Variants in CNTLN observed in about 807,000 individuals in gnomAD.
CNTLN encodes centlein, centrosomal protein.
In CNTLN, 212 loss-of-function variants were observed where a neutral mutation model predicts 180.0. That is an observed-to-expected ratio of 1.18 (90% CI 1.05 to 1.32). The LOEUF (loss-of-function observed/expected upper bound fraction) is 1.32. Among genes scored for constraint, CNTLN ranks in the 40% most tolerant of loss-of-function variants. CNTLN has a pLI of 0.00. For missense variants in CNTLN, 2,095 were observed against 1,610.9 expected (o/e 1.30, Z -5.14); for synonymous variants, 722 against 563.1 (o/e 1.28, Z -3.99).
chr9:17,338,339 T>TTTTTTTTTG (rs1554692008), intron 10 of CNTLN, among the ~76,000 whole-genome samples: 1 of 140,236 alleles, frequency 7.1e-6, no homozygotes, highest in Non-Finnish European at 1.6e-5. Flanking sequence ...TAATTTTTGT[T>TTTTTTTTTG]TTTTTTTTTT....
At chr9:17,169,568 A>AT (rs1260615101) in intron 2 of CNTLN, among the ~76,000 whole-genome samples, 1 of 151,734 alleles carries the variant, frequency 6.6e-6, no homozygotes, top group African/African-American at 2.4e-5. Context: ...TTTTGAGTTG[A>AT]TTTTTGTGTA....
chr9:17,142,736 T>C (rs890846030), intron 1 of CNTLN, among the ~76,000 whole-genome samples: 3 of 152,194 alleles, frequency 2.0e-5, no homozygotes, highest in African/African-American at 7.2e-5. Context: ...GAATCTCTAA[T>C]TCATCCCTAT....
rs188527661 is a variant in CNTLN, at chr9:17,426,321, C to G, written c.3114+10132C>G. On this transcript the variant is annotated intron_variant, in intron 18 of 25. Transcript: ENST00000380647. ...GAGTGCAAAGGCTAAGGGATTAGAG[C>G]TACCTCCACATTGGTTTTAAAGAGA... 9.8e-5 allele frequency among the ~76,000 whole-genome samples: 15 copies of G among 152,308 alleles called. No individual in the cohort carries two copies. In the East Asian group the frequency reaches 2.5e-3, roughly 25 times the overall value.
At chr9:17,470,678 T>C (rs1832005042) in intron 23 of CNTLN, among the ~76,000 whole-genome samples, 1 of 151,936 alleles carries the variant, frequency 6.6e-6, no homozygotes, top group South Asian at 2.1e-4. Context: ...TTTCTAGAAG[T>C]ATTTGCTCAG....
intron 2 of CNTLN, among the ~76,000 whole-genome samples, chr9:17,161,275 T>G (rs1563835719): frequency 1.3e-5 from 2 of 152,152 alleles, no homozygotes; most frequent in African/African-American, 2.4e-5. Context: ...CCTGTCACTT[T>G]ATGAGTTTGT....
chr9:17,432,659 G>T (rs1245885613), intron 18 of CNTLN, among the ~76,000 whole-genome samples: 1 of 152,080 alleles, frequency 6.6e-6, no homozygotes, highest in African/African-American at 2.4e-5. Flanking sequence ...CAGTAGAACA[G>T]ATCTTCAGTG....
chr9:17,151,094 A>G (rs1818839385), intron 2 of CNTLN, among the ~76,000 whole-genome samples: 1 of 152,230 alleles, frequency 6.6e-6, no homozygotes, highest in Admixed American at 6.5e-5. Context: ...ATCTGCAAAC[A>G]GAGACAAATT....
chr9:17,474,223 C>G (rs193033398), intron 23 of CNTLN, among the ~76,000 whole-genome samples: 1 of 152,148 alleles, frequency 6.6e-6, no homozygotes, highest in Non-Finnish European at 1.5e-5. Flanking sequence ...GTGATTTTCA[C>G]TTGGATGTCT....
intron 6 of CNTLN, among the ~76,000 whole-genome samples, chr9:17,296,322 G>C (rs1375685125): frequency 6.6e-6 from 1 of 152,024 alleles, no homozygotes; most frequent in Non-Finnish European, 1.5e-5. Flanking sequence ...CCTGCCTAGT[G>C]TGTTTCTTTT....
At chr9:17,275,127 A>G (rs901133909) in intron 6 of CNTLN, among the ~76,000 whole-genome samples, 12 of 152,118 alleles carry the variant, frequency 7.9e-5, no homozygotes, top group Non-Finnish European at 1.5e-4. Flanking sequence ...TGAAATTTAA[A>G]AATTATTATT....
chr9:17,409,888 T>C (rs1042321600), intron 16 of CNTLN, among the ~76,000 whole-genome samples: 1 of 152,084 alleles, frequency 6.6e-6, no homozygotes, highest in Non-Finnish European at 1.5e-5. Flanking sequence ...AAAATTGAAG[T>C]TCTAATACAA....
At position 17,502,676 on chromosome 9, in the gene CNTLN, C is replaced by A. The variant is rs374050885; in HGVS notation, c.*24C>A. The A allele has an allele frequency of 2.0e-4, 195 of 978,096 alleles. 1 individual carries two copies. The highest frequency in any genetic ancestry group is 8.8e-4 in the Middle Eastern group (4 of 4,550). The allele number at this position is 978,096 out of a possible 1,614,324, so 60.6% of individuals were successfully genotyped here. A position where few individuals can be genotyped will look rare whatever the true frequency, so the allele number is the denominator to read the frequency against. Reference sequence around the variant, plus strand: ...GATATTAAAATGGAGAGCTTTATTGCAAATGTGAAAACTTTTTATGTGGTG... The same window carrying A: ...GATATTAAAATGGAGAGCTTTATTGAAAATGTGAAAACTTTTTATGTGGTG... On this transcript the variant is annotated 3_prime_UTR_variant, in exon 26 of 26. Transcript: ENST00000380647.
At chr9:17,211,327 T>G (rs139796527) in intron 2 of CNTLN, among the ~76,000 whole-genome samples, 2,076 of 152,232 alleles carry the variant, frequency 0.014, 54 homozygotes, top group African/African-American at 0.048. Flanking sequence ...TTTCCCCATT[T>G]CTTGTTTTTG....
intron 5 of CNTLN, among the ~76,000 whole-genome samples, chr9:17,258,342 T>A (rs574821653): frequency 0.022 from 3,244 of 149,348 alleles, 132 homozygotes; most frequent in African/African-American, 0.078. Flanking sequence ...TCTATATCTC[T>A]GTTTTGGTAC....
chr9:17,437,789 A>ACC (rs1019784655), intron 18 of CNTLN, among the ~76,000 whole-genome samples: 11 of 152,146 alleles, frequency 7.2e-5, no homozygotes, highest in African/African-American at 2.7e-4. Flanking sequence ...ATAAAAGGAA[A>ACC]CTGTGAGATA....
At chr9:17,475,292 GGGTT>G (rs1444421365) in intron 23 of CNTLN, among the ~76,000 whole-genome samples, 1 of 152,054 alleles carries the variant, frequency 6.6e-6, no homozygotes, top group Non-Finnish European at 1.5e-5. Context: ...TGGGGGTAAT[GGGTT>G]GGTTGGAAGA....
intron 2 of CNTLN, among the ~76,000 whole-genome samples, chr9:17,174,411 G>T (rs1820591076): frequency 6.6e-6 from 1 of 152,136 alleles, no homozygotes; most frequent in South Asian, 2.1e-4. Flanking sequence ...TTAAGAAATT[G>T]CCAGCTGGGT....
chr9:17,327,971 G>A (rs1026449094), intron 8 of CNTLN, among the ~76,000 whole-genome samples: 2 of 151,742 alleles, frequency 1.3e-5, no homozygotes, highest in African/African-American at 4.8e-5. Flanking sequence ...AAAAAAAAAA[G>A]CATTTAGTGA....
At chr9:17,493,761 G>T (rs1833295309) in intron 25 of CNTLN, among the ~76,000 whole-genome samples, 1 of 152,232 alleles carries the variant, frequency 6.6e-6, no homozygotes, top group Non-Finnish European at 1.5e-5. Flanking sequence ...CTCTTCCAGA[G>T]CATGAGCTCT....
Sources: allele counts gnomAD v4.1 joint callset (sites outside exome capture counted in the v4.1 genomes callset), GRCh38; gene constraint gnomAD v4.1.1; transcripts MANE v1.5; gene names NCBI Gene and HGNC (gene_info 2026-07-23, HGNC 2026-07-21).